Variants in ADNP observed in about 807,000 individuals in gnomAD.
ADNP encodes activity dependent neuroprotector homeobox, also known as activity-dependent neuroprotector homeobox protein.
In ADNP, 4 loss-of-function variants were observed where a neutral mutation model predicts 84.9. The observed-to-expected ratio is 0.05, with a 90% CI of 0.02 to 0.11. The LOEUF (loss-of-function observed/expected upper bound fraction) is 0.11, where lower values mean the gene tolerates loss of function less well. Ranked by LOEUF, ADNP falls within the 10% of genes least tolerant of loss-of-function variation. ADNP has a pLI of 1.00. For missense variants in ADNP, 1,132 were observed against 1,326.0 expected, an observed-to-expected ratio of 0.85 and a Z score of 2.27; for synonymous variants, 554 against 468.1, an observed-to-expected ratio of 1.18 and a Z score of -2.37.
At chr20:50,920,961 G>A (rs907203720) in intron 2 of ADNP, among the ~76,000 whole-genome samples, 1 of 152,174 alleles carries the variant, frequency 6.6e-6, no homozygotes, top group Non-Finnish European at 1.5e-5. Flanking sequence ...AGACAGATCT[G>A]TATTTAAATC....
rs532704495 is a variant in ADNP at position 50,910,830 on chromosome 20, A to G, written c.-89-5981T>C. On this transcript the variant is annotated intron_variant, in intron 2 of 5. Coordinates refer to ENST00000621696, the MANE Select transcript of ADNP (RefSeq NM_001282531.3). The stretch of plus-strand genomic sequence containing the variant: ...CCACCACATTCAGCTAATTTTTTAA[A>G]AAAATTTAATAGGGGTCCTCCCTAT... Among the ~76,000 whole-genome samples the G allele has an allele frequency of 1.1e-3, 160 of 152,184 alleles. 2 individuals are homozygous for G. The highest frequency in any genetic ancestry group is 3.6e-3 in the African/African-American group (148 of 41,518).
At chr20:50,919,851 T>C (rs1039288364) in intron 2 of ADNP, among the ~76,000 whole-genome samples, 3 of 152,080 alleles carry the variant, frequency 2.0e-5, no homozygotes, top group Non-Finnish European at 2.9e-5. Flanking sequence ...AACGACATGA[T>C]TGGAAAGGCA....
intron 2 of ADNP, among the ~76,000 whole-genome samples, chr20:50,913,067 A>G (rs967894159): frequency 6.6e-6 from 1 of 151,978 alleles, no homozygotes; most frequent in Non-Finnish European, 1.5e-5. Flanking sequence ...CCTGGCCAAC[A>G]TGGCGAAACC....
At chr20:50,898,285 T>C (rs909953246) in intron 5 of ADNP, among the ~76,000 whole-genome samples, 4 of 152,172 alleles carry the variant, frequency 2.6e-5, no homozygotes, top group Non-Finnish European at 5.9e-5. Context: ...TCTTGAATTG[T>C]TTACACCACC....
intron 2 of ADNP, among the ~76,000 whole-genome samples, chr20:50,915,464 C>G (rs1339724321): frequency 6.6e-6 from 1 of 152,178 alleles, no homozygotes; most frequent in Non-Finnish European, 1.5e-5. Context: ...GAGCCTACAG[C>G]CAGACTGGAA....
chr20:50,926,606 C>T (rs933763386), intron 2 of ADNP, among the ~76,000 whole-genome samples: 41 of 152,282 alleles, frequency 2.7e-4, no homozygotes, highest in Admixed American at 1.4e-3. Flanking sequence ...CCCCAAACTA[C>T]ACGTGATACT....
At position 50,894,107 on chromosome 20, in the gene ADNP, T is replaced by C. The variant is rs1017446010; in HGVS notation, c.607A>G (p.Lys203Glu). The part of the protein sequence containing the change: ...AAPYIAKAGE[K>E]SLNGAVPLGS... ...AAGGGGACTGCCCCATTGAGTGATTTTTCTCCTGCCTTTGCTATGTAAGGT... is the reference window on the plus strand; with the variant it reads ...AAGGGGACTGCCCCATTGAGTGATTCTTCTCCTGCCTTTGCTATGTAAGGT... Residue 203 changes from lysine to glutamate, a missense_variant, in exon 6 of 6, where the codon AAA (lysine) becomes GAA (glutamate). Lys to Glu is a moderately conservative substitution (Grantham distance 56). This residue lies in a region of ADNP where 130 missense variants were observed against 183.7 expected (regional missense o/e 0.71). Transcript: ENST00000621696. 6.2e-7 allele frequency: 1 copy of C among 1,614,156 alleles called. No individual in the cohort carries two copies. Among genetic ancestry groups the C allele is most frequent in the Non-Finnish European group, 8.5e-7 (1 of 1,180,000 alleles).
intron 2 of ADNP, among the ~76,000 whole-genome samples, chr20:50,917,429 A>G (rs905420558): frequency 6.6e-6 from 1 of 152,232 alleles, no homozygotes; most frequent in African/African-American, 2.4e-5. Flanking sequence ...TCACATTTGA[A>G]GAATCTCTTT....
chr20:50,891,806 A>G lies in ADNP; in HGVS notation c.2908T>C (p.Ser970Pro). Residue 970 changes from serine (S) to proline (P), a missense_variant, in exon 6 of 6, where the codon TCT (serine) becomes CCT (proline). Transcript: ENST00000621696. ...GATCCAGGCCCACTCTCAGATGGAG[A>G]AGCACCGTCTTTCCACTCAACAACA... ...DDVVEWKDGA[S>P]PSESGPGSQQ... The G allele has an allele frequency of 6.2e-7, 1 of 1,614,150 alleles. No homozygotes were observed. Among genetic ancestry groups the G allele is most frequent in the Non-Finnish European group, 8.5e-7 (1 of 1,180,012 alleles).
chr20:50,904,225 A>ACC (rs762014380), intron 3 of ADNP: 9 of 515,620 alleles, frequency 1.7e-5, no homozygotes, highest in Non-Finnish European at 3.1e-5. Flanking sequence ...ACAGAGTCTT[A>ACC]CTCTGTCGCG....
Position 50,930,668 on chromosome 20 carries a change from G to C in ADNP, c.-265+158C>G, listed in dbSNP as rs574709761. On this transcript the variant is annotated intron_variant, in intron 1 of 5. Coordinates refer to ENST00000621696, the MANE Select transcript of ADNP (RefSeq NM_001282531.3). ...CCGGGACGGGGGACCCGTCGGCGCCGGGGTGTGCAAAGGAGCGTGTGTGCG... is the reference window on the plus strand; with the variant it reads ...CCGGGACGGGGGACCCGTCGGCGCCCGGGTGTGCAAAGGAGCGTGTGTGCG... 8.2e-3 allele frequency among the ~76,000 whole-genome samples: 1,248 copies of C among 152,118 alleles called. 17 individuals carry two copies. The highest frequency in any genetic ancestry group is 0.028 in the African/African-American group (1,180 of 41,536).
intron 2 of ADNP, among the ~76,000 whole-genome samples, chr20:50,907,014 C>T (rs980387022): frequency 2.2e-5 from 3 of 138,122 alleles, no homozygotes; most frequent in Admixed American, 8.1e-5. Context: ...GTCACCCAGG[C>T]TGGAGTGCAG....
intron 5 of ADNP, among the ~76,000 whole-genome samples, chr20:50,897,514 T>C (rs190337268): frequency 5.9e-5 from 9 of 152,312 alleles, no homozygotes; most frequent in Non-Finnish European, 1.0e-4. Context: ...TTTTAAGTCA[T>C]GGACAAACCT....
intron 2 of ADNP, among the ~76,000 whole-genome samples, chr20:50,919,795 C>T (rs1028187377): frequency 6.6e-6 from 1 of 152,138 alleles, no homozygotes; most frequent in Non-Finnish European, 1.5e-5. Context: ...TTGCTCAACT[C>T]CACTGAGTCA....
chr20:50,897,865 T>TA (rs1362701384), intron 5 of ADNP, among the ~76,000 whole-genome samples: 2 of 152,216 alleles, frequency 1.3e-5, no homozygotes, highest in Non-Finnish European at 2.9e-5. Context: ...CAGGCATATC[T>TA]ATTCAGGAGG....
intron 5 of ADNP, 93 bp from the exon 6 acceptor site, chr20:50,894,605 T>C: frequency 7.2e-7 from 1 of 1,392,614 alleles, no homozygotes; most frequent in Non-Finnish European, 9.6e-7. Context: ...AATAATGCAT[T>C]GATTTTAGGC....
At chr20:50,902,341 G>GA in intron 4 of ADNP, among the ~76,000 whole-genome samples, 1 of 152,194 alleles carries the variant, frequency 6.6e-6, no homozygotes, top group East Asian at 1.9e-4. Context: ...GGTTTCCAAG[G>GA]AAATTGCTGG....
chr20:50,897,548 C>T (rs1161513252), intron 5 of ADNP, among the ~76,000 whole-genome samples: 3 of 152,132 alleles, frequency 2.0e-5, no homozygotes, highest in Admixed American at 6.5e-5. Context: ...TTCCAGATGC[C>T]ATTCATACAC....
intron 2 of ADNP, among the ~76,000 whole-genome samples, chr20:50,917,959 A>C (rs1430200762): frequency 6.6e-6 from 1 of 152,216 alleles, no homozygotes; most frequent in Non-Finnish European, 1.5e-5. Context: ...ACAAAAGGCC[A>C]AATATTGTAT....
Sources: gnomAD v4.1 joint callset for allele counts (sites outside exome capture counted in the v4.1 genomes callset) on GRCh38, gnomAD v4.1.1 for gene constraint, gnomAD v4.1.1 regional missense constraint, MANE v1.5 for transcripts, NCBI Gene and HGNC (gene_info 2026-07-23, HGNC 2026-07-21) for gene names.